Variants in SCRG1 observed in about 807,000 individuals in gnomAD.
SCRG1 encodes the protein stimulator of chondrogenesis 1.
In SCRG1, 3 loss-of-function variants were observed where a neutral mutation model predicts 7.7. The ratio of observed to expected loss-of-function variants is 0.39; its 90% CI spans 0.18 to 1.01. The LOEUF (loss-of-function observed/expected upper bound fraction) is 1.01. Ranked by LOEUF, SCRG1 falls within the 50% of genes least tolerant of loss-of-function variation. The probability of loss-of-function intolerance (pLI) is 0.36; values close to 1 mark genes in which losing one functional copy is unlikely to be tolerated. For synonymous variants in SCRG1, 46 were observed against 41.2 expected, an observed-to-expected ratio of 1.12 and a Z score of -0.44; for missense variants, 110 against 117.2, an observed-to-expected ratio of 0.94 and a Z score of 0.28.
the SCRG1 span, among the ~76,000 whole-genome samples, chr4:173,483,472 A>T: frequency 6.7e-5 from 6 of 89,136 alleles, 2 homozygotes; most frequent in African/African-American, 2.8e-4. Flanking sequence ...TATATATTAT[A>T]TTCTGATATA....
chr4:173,483,212 C>G, the SCRG1 span, among the ~76,000 whole-genome samples: 1 of 14,656 alleles, frequency 6.8e-5, no homozygotes. Flanking sequence ...TATGATATAT[C>G]ATATAATATA....
the SCRG1 span, among the ~76,000 whole-genome samples, chr4:173,512,316 G>A: frequency 1.3e-5 from 2 of 152,194 alleles, no homozygotes; most frequent in East Asian, 1.9e-4. Context: ...GAGGGACAGG[G>A]GAAAAAAATC....
chr4:173,444,283 CT>C, the SCRG1 span, among the ~76,000 whole-genome samples: 1 of 152,192 alleles, frequency 6.6e-6, no homozygotes, highest in South Asian at 2.1e-4. Flanking sequence ...CAAGAGCTTG[CT>C]TTTTTTAGAA....
the SCRG1 span, among the ~76,000 whole-genome samples, chr4:173,447,803 T>C: frequency 6.6e-6 from 1 of 152,316 alleles, no homozygotes; most frequent in Non-Finnish European, 1.5e-5. Flanking sequence ...GCATGACAGT[T>C]GTCAGGAGGA....
chr4:173,518,594 C>T, the SCRG1 span, among the ~76,000 whole-genome samples: 1 of 152,116 alleles, frequency 6.6e-6, no homozygotes, highest in Non-Finnish European at 1.5e-5. Flanking sequence ...CCGCAGGCTT[C>T]CCTGGACTTC....
At chr4:173,483,833 T>TTC in the SCRG1 span, among the ~76,000 whole-genome samples, 1 of 72,154 alleles carries the variant, frequency 1.4e-5, no homozygotes, top group East Asian at 5.1e-4. Context: ...ATATATATAA[T>TTC]ATATAATATA....
rs1739269280 is a variant in SCRG1 at position 173,387,192 on chromosome 4, T to TTTGGAA, written c.*1143_*1148dup. On this transcript the variant is annotated 3_prime_UTR_variant, in exon 3 of 3. Coordinates refer to ENST00000296506, the MANE Select transcript of SCRG1 (RefSeq NM_007281.4). ...ATACATCTGTGTGTGGCATATGGGC[T>TTTGGAA]TTGGAATTGGAACTCTTGAAAATCT... 1 of 67,696 alleles carries TTTGGAA rather than the reference T, an allele frequency of 1.5e-5. No homozygotes were observed. The highest frequency in any genetic ancestry group is 3.1e-5 in the Non-Finnish European group (1 of 32,132). 4.2% of individuals were successfully genotyped at this position (67,696 alleles called of 1,614,324 possible). A position where few individuals can be genotyped will look rare whatever the true frequency, so the allele number is the denominator to read the frequency against.
At chr4:173,483,205 GA>G in the SCRG1 span, among the ~76,000 whole-genome samples, 4 of 58,884 alleles carry the variant, frequency 6.8e-5, 1 homozygote, top group Non-Finnish European at 9.9e-5. Flanking sequence ...TATATTATAT[GA>G]TATATCATAT....
At chr4:173,512,486 A>G in the SCRG1 span, among the ~76,000 whole-genome samples, 1 of 152,272 alleles carries the variant, frequency 6.6e-6, no homozygotes, top group Non-Finnish European at 1.5e-5. Flanking sequence ...CCTGGCACTC[A>G]AGTGCACACG....
the SCRG1 span, among the ~76,000 whole-genome samples, chr4:173,430,916 G>A: frequency 6.6e-6 from 1 of 150,394 alleles, no homozygotes; most frequent in East Asian, 2.0e-4. Context: ...TCCTCATTTA[G>A]AAAGAGACTA....
chr4:173,450,049 A>T, the SCRG1 span, among the ~76,000 whole-genome samples: 1 of 152,198 alleles, frequency 6.6e-6, no homozygotes, highest in Non-Finnish European at 1.5e-5. Context: ...GTGATTTATA[A>T]AGGAAAGAGG....
At chr4:173,422,707 A>G in the SCRG1 span, among the ~76,000 whole-genome samples, 2 of 152,206 alleles carry the variant, frequency 1.3e-5, no homozygotes, top group Non-Finnish European at 2.9e-5. Flanking sequence ...AACCATTTGA[A>G]AAGGGACAGG....
chr4:173,484,997 T>A, the SCRG1 span, among the ~76,000 whole-genome samples: 3 of 34,444 alleles, frequency 8.7e-5, 1 homozygote, highest in African/African-American at 3.5e-4. Context: ...ATATATAATA[T>A]ATTATAAATA....
chr4:173,463,066 A>G, the SCRG1 span, among the ~76,000 whole-genome samples: 1 of 152,160 alleles, frequency 6.6e-6, no homozygotes, highest in East Asian at 1.9e-4. Flanking sequence ...CAACCAGAAA[A>G]CAACTAACAA....
the SCRG1 span, among the ~76,000 whole-genome samples, chr4:173,432,860 G>A: frequency 2.0e-5 from 3 of 152,124 alleles, no homozygotes; most frequent in Non-Finnish European, 2.9e-5. Context: ...ACAGATTCAC[G>A]TAACACTACC....
the SCRG1 span, among the ~76,000 whole-genome samples, chr4:173,491,098 A>T: frequency 6.6e-6 from 1 of 152,068 alleles, no homozygotes; most frequent in Non-Finnish European, 1.5e-5. Context: ...TAATCTGTCA[A>T]TCTGATCCCT....
At chr4:173,424,645 C>G in the SCRG1 span, among the ~76,000 whole-genome samples, 1 of 152,152 alleles carries the variant, frequency 6.6e-6, no homozygotes, top group South Asian at 2.1e-4. Flanking sequence ...CGCGGTGGCT[C>G]ACGCTTGTAT....
intron 1 of SCRG1, among the ~76,000 whole-genome samples, chr4:173,393,364 T>G (rs933841526): frequency 2.6e-5 from 4 of 152,162 alleles, no homozygotes; most frequent in African/African-American, 9.7e-5. Flanking sequence ...CCAATTTAAT[T>G]CCTACCTCCA....
At chr4:173,439,793 C>T in the SCRG1 span, among the ~76,000 whole-genome samples, 1 of 152,260 alleles carries the variant, frequency 6.6e-6, no homozygotes, top group East Asian at 1.9e-4. Context: ...CCTGACTCAA[C>T]CAATTAGATG....
Sources: gnomAD v4.1 joint callset for allele counts (sites outside exome capture counted in the v4.1 genomes callset) on GRCh38, gnomAD v4.1.1 for gene constraint, MANE v1.5 for transcripts, NCBI Gene and HGNC (gene_info 2026-07-23, HGNC 2026-07-21) for gene names.